Variants in AKAP7 observed in about 807,000 individuals in gnomAD.
AKAP7 encodes the protein A kinase (PRKA) anchor protein 7.
AKAP7 carries 39 observed loss-of-function variants against 39.5 expected under a neutral mutation model. The observed-to-expected ratio is 0.99, with a 90% CI of 0.76 to 1.29. The LOEUF (loss-of-function observed/expected upper bound fraction) is 1.29, where lower values mean the gene tolerates loss of function less well. Among genes scored for constraint, AKAP7 ranks in the 50% most tolerant of loss-of-function variants. The pLI, the probability that AKAP7 is intolerant of heterozygous loss-of-function variation, is 0.00. For synonymous variants in AKAP7, 140 were observed against 139.1 expected (o/e 1.01, Z -0.05); for missense variants, 414 against 407.7 (o/e 1.02, Z -0.13).
Position 131,135,638 on chromosome 6 carries a change from A to G in AKAP7, c.-126A>G. ...CTGTCGCTGGACCCCGCGCCGGCCC[A>G]GCGCACCGCCCTCAGGCCCCGAGCC... On this transcript the variant is annotated 5_prime_UTR_variant, in exon 1 of 8. Transcript: ENST00000431975. 3.6e-6 allele frequency: 3 copies of G among 842,030 alleles called. 1 individual carries two copies. The South Asian group carries it at 1.6e-4, about 44-fold the overall frequency. The allele number at this position is 842,030 out of a possible 1,614,324, so 52.2% of individuals were successfully genotyped here.
intron 5 of AKAP7, among the ~76,000 whole-genome samples, chr6:131,178,346 T>A (rs902022057): frequency 2.0e-5 from 3 of 152,214 alleles, no homozygotes; most frequent in South Asian, 2.1e-4. Flanking sequence ...AGTGAGATAA[T>A]CTATACGAAG....
chr6:131,128,112 C>T, the AKAP7 span, among the ~76,000 whole-genome samples: 2 of 152,038 alleles, frequency 1.3e-5, no homozygotes, highest in Admixed American at 6.6e-5. Context: ...ACCAAGCTCC[C>T]GTGACATGCG....
intron 7 of AKAP7, among the ~76,000 whole-genome samples, chr6:131,257,683 C>A (rs1328150184): frequency 1.3e-5 from 2 of 152,062 alleles, no homozygotes; most frequent in African/African-American, 4.8e-5. Context: ...AGGCTGTCAT[C>A]CTAAGATCAC....
At chr6:131,218,994 C>T (rs1198918915) in intron 6 of AKAP7, among the ~76,000 whole-genome samples, 2 of 152,010 alleles carry the variant, frequency 1.3e-5, no homozygotes, top group Non-Finnish European at 2.9e-5. Flanking sequence ...TTTCGCTGGG[C>T]GCAGTGGCCC....
intron 7 of AKAP7, among the ~76,000 whole-genome samples, chr6:131,262,420 T>A (rs990597863): frequency 2.0e-5 from 3 of 152,172 alleles, no homozygotes; most frequent in African/African-American, 7.2e-5. Context: ...CACATCGTTG[T>A]TGGCTACACA....
At chr6:131,236,953 G>T (rs1307391723) in intron 7 of AKAP7, among the ~76,000 whole-genome samples, 4 of 152,170 alleles carry the variant, frequency 2.6e-5, no homozygotes, top group African/African-American at 9.7e-5. Flanking sequence ...TTGAACAGGA[G>T]TGGTGAGAGA....
intron 3 of AKAP7, among the ~76,000 whole-genome samples, chr6:131,161,435 A>T (rs1383384967): frequency 6.6e-6 from 1 of 151,900 alleles, no homozygotes; most frequent in African/African-American, 2.4e-5. Flanking sequence ...CCTCGAGCCC[A>T]GGAGTTTGAG....
chr6:131,131,337 T>G (rs979909745), upstream of AKAP7, among the ~76,000 whole-genome samples: 2 of 152,158 alleles, frequency 1.3e-5, no homozygotes, highest in Non-Finnish European at 2.9e-5. Context: ...CACCTTTGCA[T>G]GCAGGAGCCA....
At chr6:131,127,119 C>G in the AKAP7 span, among the ~76,000 whole-genome samples, 3 of 151,898 alleles carry the variant, frequency 2.0e-5, no homozygotes, top group Non-Finnish European at 4.4e-5. Context: ...GATCTCGGCT[C>G]ACTGTAACCT....
intron 7 of AKAP7, among the ~76,000 whole-genome samples, chr6:131,263,696 G>C (rs1813548195): frequency 6.6e-6 from 1 of 152,202 alleles, no homozygotes; most frequent in African/African-American, 2.4e-5. Context: ...TGGAGCCAGA[G>C]AGAATGTGAG....
chr6:131,199,663 C>T, intron 6 of AKAP7, 90 bp downstream of exon 6: 1 of 1,041,268 alleles, frequency 9.6e-7, no homozygotes, highest in Non-Finnish European at 1.5e-6. Context: ...GCTGTGGTCT[C>T]TGACACTACT....
At chr6:131,178,621 C>T (rs533706872) in intron 5 of AKAP7, among the ~76,000 whole-genome samples, 32 of 152,126 alleles carry the variant, frequency 2.1e-4, no homozygotes, top group African/African-American at 5.8e-4. Context: ...GCTAATGCTC[C>T]GGAACCTCAC....
Position 131,160,077 on chromosome 6 carries a change from T to C in AKAP7, c.170T>C (p.Ile57Thr). The C allele has an allele frequency of 3.1e-6, 5 of 1,591,924 alleles. No individual in the cohort carries two copies. The highest frequency in any genetic ancestry group is 4.3e-6 in the Non-Finnish European group (5 of 1,174,460). ...DDCGITDEPQ[I>T]NLKRSQENEW... ...CCTCTAGTCACTGATGAACCTCAAA[T>C]AAATTTGAAGAGAAGTCAAGAAAAT... Residue 57 changes from isoleucine (I) to threonine (T), a missense_variant, in exon 3 of 8, where the codon ATA becomes ACA. Physicochemically the swap from Ile to Thr is moderately conservative, Grantham distance 89. Transcript: ENST00000431975.
At chr6:131,151,302 C>CA (rs1169688173) in intron 2 of AKAP7, among the ~76,000 whole-genome samples, 1 of 151,462 alleles carries the variant, frequency 6.6e-6, no homozygotes, top group Non-Finnish European at 1.5e-5. Context: ...CTCAGCCTCC[C>CA]AAAGTGCTGG....
At position 131,148,765 on chromosome 6, in the gene AKAP7, C is replaced by T. The variant is rs6916588; in HGVS notation, c.151+3349C>T. Among the ~76,000 whole-genome samples, 243 of 152,170 alleles carry T rather than the reference C, an allele frequency of 1.6e-3. 1 individual carries two copies. The highest frequency in any genetic ancestry group is 5.6e-3 in the African/African-American group (232 of 41,516). On this transcript the variant is annotated intron_variant, in intron 2 of 7. Transcript: ENST00000431975. ...GGAGTTTTATTGCCAACCCTTAAACCGTAAGAAAGGTATAATAATAGTGTT... is the reference window on the plus strand; with the variant it reads ...GGAGTTTTATTGCCAACCCTTAAACTGTAAGAAAGGTATAATAATAGTGTT...
At chr6:131,232,976 G>A (rs556159240) in intron 7 of AKAP7, among the ~76,000 whole-genome samples, 13 of 150,490 alleles carry the variant, frequency 8.6e-5, no homozygotes, top group East Asian at 3.9e-4. Context: ...CCTTATTGGC[G>A]TGTGATCAAC....
In AKAP7 at chr6:131,175,743, C is replaced by T. The variant is rs537286739; in HGVS notation, c.589+6470C>T. Among the ~76,000 whole-genome samples, 3 of 152,316 alleles carry T rather than the reference C, an allele frequency of 2.0e-5. No homozygotes were observed. In the East Asian group the frequency reaches 5.8e-4, roughly 29 times the overall value. Reference sequence around the variant, plus strand: ...ATAAGACCCACATTTGAGATATGCGCTCTCTATGCCTGGAGGAATGGAACA... The same window carrying T: ...ATAAGACCCACATTTGAGATATGCGTTCTCTATGCCTGGAGGAATGGAACA... On this transcript the variant is annotated intron_variant, in intron 5 of 7. Coordinates refer to ENST00000431975, the MANE Select transcript of AKAP7 (RefSeq NM_016377.4).
At chr6:131,251,265 C>T (rs1447795058) in intron 7 of AKAP7, among the ~76,000 whole-genome samples, 1 of 152,198 alleles carries the variant, frequency 6.6e-6, no homozygotes, top group Non-Finnish European at 1.5e-5. Flanking sequence ...TTTTGTTCTT[C>T]ACTGGCTTAT....
intron 5 of AKAP7, among the ~76,000 whole-genome samples, chr6:131,191,576 G>C (rs1806405615): frequency 6.6e-6 from 1 of 152,156 alleles, no homozygotes; most frequent in African/African-American, 2.4e-5. Flanking sequence ...ATCTTGGTCT[G>C]ATGCAGACTT....
Sources: gnomAD v4.1 joint callset for allele counts (sites outside exome capture counted in the v4.1 genomes callset) on GRCh38, gnomAD v4.1.1 for gene constraint, MANE v1.5 for transcripts, NCBI Gene and HGNC (gene_info 2026-07-23, HGNC 2026-07-21) for gene names.